ENPP2: variants seen among roughly 807,000 people sequenced by gnomAD.
ENPP2 encodes the protein ectonucleotide pyrophosphatase/phosphodiesterase 2.
In ENPP2, 51 loss-of-function variants were observed where a neutral mutation model predicts 120.2. That is an observed-to-expected ratio of 0.42 (90% CI 0.34 to 0.54). The LOEUF is 0.54. Among genes scored for constraint, ENPP2 ranks in the 20% least tolerant of loss-of-function variants. ENPP2 has a pLI of 0.04. For missense variants in ENPP2, 920 were observed against 1,066.5 expected (o/e 0.86, Z 1.91); for synonymous variants, 365 against 366.4 (o/e 1.00, Z 0.04).
At position 119,568,818 on chromosome 8, in the gene ENPP2, C is replaced by T. The variant is rs765607908; in HGVS notation, c.2053+417G>A. On this transcript the variant is annotated intron_variant, in intron 21 of 24. Transcript: ENST00000075322. ...CTTGCTATGTTGTCCAGGCTCATCT[C>T]GAACTCCTGGACTCAAGCAACCCTC... Among the ~76,000 whole-genome samples, 12 of 152,088 alleles carry T rather than the reference C, an allele frequency of 7.9e-5. No homozygotes were observed. In the East Asian group the frequency reaches 9.6e-4, roughly 12 times the overall value.
intron 8 of ENPP2, 138 bp from the exon 9 acceptor site, chr8:119,608,115 T>G (rs1814849573): frequency 3.7e-6 from 2 of 542,394 alleles, no homozygotes; most frequent in East Asian, 3.1e-5. Context: ...TTGCAACCAT[T>G]TATTTTCACA....
intron 24 of ENPP2, among the ~76,000 whole-genome samples, chr8:119,561,460 T>A (rs964161605): frequency 2.0e-5 from 3 of 152,234 alleles, no homozygotes; most frequent in African/African-American, 7.2e-5. Flanking sequence ...TCTCTACTCC[T>A]TCTGTCATGT....
At chr8:119,581,258 T>G (rs1587380329) in intron 18 of ENPP2, among the ~76,000 whole-genome samples, 1 of 112,116 alleles carries the variant, frequency 8.9e-6, no homozygotes, top group African/African-American at 3.8e-5. Context: ...AGAGCGAGAC[T>G]CCATCTCAAA....
chr8:119,579,053 T>C (rs1188948796), intron 19 of ENPP2, among the ~76,000 whole-genome samples: 1 of 152,252 alleles, frequency 6.6e-6, no homozygotes, highest in African/African-American at 2.4e-5. Context: ...TATGCTTGAA[T>C]TCTTTCTGCA....
At chr8:119,583,871 G>A in intron 16 of ENPP2, 67 bp from the exon 17 acceptor site, 1 of 1,370,840 alleles carries the variant, frequency 7.3e-7, no homozygotes, top group Non-Finnish European at 1.0e-6. Flanking sequence ...CTCTATTTAT[G>A]AATACTGTAC....
chr8:119,621,890 T>C (rs1815925897), intron 3 of ENPP2, among the ~76,000 whole-genome samples: 1 of 152,158 alleles, frequency 6.6e-6, no homozygotes, highest in Non-Finnish European at 1.5e-5. Context: ...CTTGGCTCTT[T>C]TAATTTCTGA....
chr8:119,664,414 C>T (rs911099224), intron 1 of ENPP2, among the ~76,000 whole-genome samples: 19 of 152,114 alleles, frequency 1.2e-4, no homozygotes, highest in African/African-American at 4.3e-4. Context: ...CCATCTCACA[C>T]GCTTTGGTCA....
chr8:119,609,519 T>C (rs963549762), intron 8 of ENPP2, among the ~76,000 whole-genome samples: 6 of 152,176 alleles, frequency 3.9e-5, no homozygotes, highest in African/African-American at 1.4e-4. Context: ...GCTCTTTCTA[T>C]TTTAAAGACA....
At chr8:119,658,047 T>C (rs563823979) in intron 1 of ENPP2, among the ~76,000 whole-genome samples, 1 of 152,328 alleles carries the variant, frequency 6.6e-6, no homozygotes, top group East Asian at 1.9e-4. Flanking sequence ...CAGTTACATA[T>C]AGATGCTTGC....
chr8:119,569,738 T>C (rs1347448291), intron 20 of ENPP2, among the ~76,000 whole-genome samples: 12 of 90,758 alleles, frequency 1.3e-4, no homozygotes, highest in Non-Finnish European at 2.4e-4. Context: ...AATAGACTAT[T>C]TATCTGTGTG....
At chr8:119,588,546 A>T (rs925391082) in intron 13 of ENPP2, among the ~76,000 whole-genome samples, 10 of 151,370 alleles carry the variant, frequency 6.6e-5, no homozygotes, top group African/African-American at 2.4e-4. Flanking sequence ...AAAAAAAAAA[A>T]AAAAAAGAGC....
rs755175 is a variant in ENPP2, at chr8:119,575,726, G to A, written c.1780+4390C>T. On this transcript the variant is annotated intron_variant, in intron 19 of 24. Coordinates refer to ENST00000075322, the MANE Select transcript of ENPP2 (RefSeq NM_001040092.3). Reference sequence around the variant, plus strand: ...GTTTACAGGCAAAATATGTGAAGTGGCTTGTTTAGTTTTAACCCAAAGTAA... The same window carrying A: ...GTTTACAGGCAAAATATGTGAAGTGACTTGTTTAGTTTTAACCCAAAGTAA... Among the ~76,000 whole-genome samples, 14 of 152,048 alleles carry A rather than the reference G, an allele frequency of 9.2e-5. No individual in the cohort carries two copies. In the East Asian group the frequency reaches 1.4e-3, roughly 15 times the overall value.
At chr8:119,634,269 A>T (rs908792215) in intron 2 of ENPP2, among the ~76,000 whole-genome samples, 2 of 151,488 alleles carry the variant, frequency 1.3e-5, no homozygotes. Context: ...AACTAGAAGG[A>T]AAAAAAAAGA....
intron 8 of ENPP2, among the ~76,000 whole-genome samples, chr8:119,614,039 T>C (rs1442096104): frequency 6.6e-6 from 1 of 151,788 alleles, no homozygotes; most frequent in Non-Finnish European, 1.5e-5. Context: ...TTTTAAATTG[T>C]AGTTACTATG....
Position 119,638,829 on chromosome 8 carries a change from C to T in ENPP2, c.-49G>A. On this transcript the variant is annotated 5_prime_UTR_variant, in exon 1 of 25. In the 5' UTR this introduces an upstream ATG that the reference lacks. Transcript: ENST00000075322. ...TTGCAGCGTGTTCTCTTTGCCTTCA[C>T]GGAGTGCACTGCTTTGAGGCTCTGG... The T allele has an allele frequency of 6.2e-7, 1 of 1,613,274 alleles. No homozygotes were observed. The highest frequency in any genetic ancestry group is 8.5e-7 in the Non-Finnish European group (1 of 1,179,272).
chr8:119,641,351 T>A (rs1342710543), upstream of ENPP2, among the ~76,000 whole-genome samples: 1 of 150,414 alleles, frequency 6.6e-6, no homozygotes, highest in African/African-American at 2.4e-5. Flanking sequence ...TCACAGTGCA[T>A]AAAGTAGGTT....
At chr8:119,641,355 G>A (rs147915357), upstream of ENPP2, among the ~76,000 whole-genome samples, 784 of 149,860 alleles carry the variant, frequency 5.2e-3, 10 homozygotes, top group African/African-American at 0.018. Flanking sequence ...AGTGCATAAA[G>A]TAGGTTAAGA....
intron 17 of ENPP2, 121 bp downstream of exon 17, chr8:119,583,596 T>C: frequency 1.6e-6 from 1 of 616,934 alleles, no homozygotes; most frequent in East Asian, 2.7e-5. Context: ...TTACAACCTT[T>C]TGTGGGGAAG....
At chr8:119,607,476 C>T (rs920982232) in intron 9 of ENPP2, among the ~76,000 whole-genome samples, 2 of 152,000 alleles carry the variant, frequency 1.3e-5, no homozygotes, top group African/African-American at 4.8e-5. Context: ...GAGTTTGAGA[C>T]CAGCCTCGCA....
Sources: allele counts gnomAD v4.1 joint callset (sites outside exome capture counted in the v4.1 genomes callset), GRCh38; gene constraint gnomAD v4.1.1; transcripts MANE v1.5; gene names NCBI Gene and HGNC (gene_info 2026-07-23, HGNC 2026-07-21).